The following GLIS3 variants were observed in gnomAD, a reference collection of about 807,000 sequenced individuals.
GLIS3 encodes zinc finger protein GLIS3.
Under a neutral mutation model 78.6 loss-of-function variants are expected in GLIS3, and 53 were observed. The ratio of observed to expected loss-of-function variants is 0.67; its 90% confidence interval spans 0.54 to 0.85. The LOEUF (loss-of-function observed/expected upper bound fraction) is 0.85. Ranked by LOEUF, GLIS3 falls within the 40% of genes least tolerant of loss-of-function variation. The probability of loss-of-function intolerance (pLI) is 0.00; values close to 1 mark genes in which losing one functional copy is unlikely to be tolerated. For synonymous variants in GLIS3, 684 were observed against 509.9 expected (o/e 1.34, Z -4.60); for missense variants, 1,703 against 1,231.1 (o/e 1.38, Z -5.74).
the GLIS3 span, among the ~76,000 whole-genome samples, chr9:4,382,055 C>A: frequency 6.6e-6 from 1 of 152,354 alleles, no homozygotes; most frequent in African/African-American, 2.4e-5. Flanking sequence ...CCGCTCTCTA[C>A]AGATACTAAT....
intron 4 of GLIS3, among the ~76,000 whole-genome samples, chr9:4,033,880 A>AC (rs1412575912): frequency 6.6e-6 from 1 of 150,832 alleles, no homozygotes; most frequent in African/African-American, 2.4e-5. Context: ...AAAAAAAAAA[A>AC]AAAAAAAAAA....
chr9:4,134,038 C>T (rs1239841181), intron 2 of GLIS3, among the ~76,000 whole-genome samples: 1 of 152,162 alleles, frequency 6.6e-6, no homozygotes, highest in African/African-American at 2.4e-5. Flanking sequence ...TACTGCAAAA[C>T]ACTAATACAA....
rs190226963 is a variant in GLIS3, at chr9:4,342,492, C to T, written n.264+4589G>A. Among the ~76,000 whole-genome samples, 100 of 152,248 alleles carry T rather than the reference C, an allele frequency of 6.6e-4. No homozygotes were observed. The East Asian group carries it at 0.011, about 17-fold the overall frequency. ...CACTACCATGCTATTTGGGTTACTG[C>T]GGTCTTGTAGTATAAAGTTGGGTAA... On this transcript the variant is annotated intron_variant and non_coding_transcript_variant, in intron 2 of 4. Coordinates refer to the GLIS3 transcript ENST00000471664.
At chr9:3,874,637 C>G (rs1256743825) in intron 8 of GLIS3, among the ~76,000 whole-genome samples, 2 of 152,112 alleles carry the variant, frequency 1.3e-5, no homozygotes, top group African/African-American at 2.4e-5. Flanking sequence ...CTGACACTCT[C>G]TCCAAGTAGA....
intron 2 of GLIS3, among the ~76,000 whole-genome samples, chr9:4,280,939 A>G (rs1032188023): frequency 1.3e-5 from 2 of 152,064 alleles, no homozygotes; most frequent in East Asian, 3.9e-4. Context: ...AAAGTTCCCA[A>G]CTGTTCTCAG....
At chr9:4,008,536 G>A (rs547022188) in intron 4 of GLIS3, among the ~76,000 whole-genome samples, 1 of 152,152 alleles carries the variant, frequency 6.6e-6, no homozygotes, top group African/African-American at 2.4e-5. Flanking sequence ...ATACCTCCAG[G>A]TGTTCCCTTA....
chr9:4,347,844 A>AT (rs992054660), intron 1 of GLIS3, among the ~76,000 whole-genome samples: 6 of 152,076 alleles, frequency 3.9e-5, no homozygotes, highest in Admixed American at 2.6e-4. Flanking sequence ...TTACTGGGTA[A>AT]TTTTTTTAGC....
chr9:4,161,719 C>T (rs1328552785), intron 2 of GLIS3, among the ~76,000 whole-genome samples: 2 of 148,482 alleles, frequency 1.3e-5, no homozygotes, highest in African/African-American at 5.0e-5. Context: ...GCTCTGTCGC[C>T]CAAGCTGGAG....
chr9:4,109,698 A>C (rs1223371631), intron 4 of GLIS3, among the ~76,000 whole-genome samples: 1 of 152,190 alleles, frequency 6.6e-6, no homozygotes, highest in African/African-American at 2.4e-5. Flanking sequence ...TCCAATTCCT[A>C]AACATGATCC....
chr9:4,246,597 C>A (rs1326571997), intron 2 of GLIS3, among the ~76,000 whole-genome samples: 1 of 152,156 alleles, frequency 6.6e-6, no homozygotes, highest in Non-Finnish European at 1.5e-5. Context: ...TGCAGCAAAG[C>A]ATTTTCCAAA....
At chr9:4,243,037 T>C (rs1033078163) in intron 2 of GLIS3, among the ~76,000 whole-genome samples, 6 of 152,202 alleles carry the variant, frequency 3.9e-5, no homozygotes, top group Non-Finnish European at 4.4e-5. Flanking sequence ...CCAGATATTC[T>C]ACCATGATTA....
At chr9:4,059,829 T>TGTGTGTGTGTGTGTGTGAGAGAGAGA in intron 4 of GLIS3, among the ~76,000 whole-genome samples, 2 of 100,648 alleles carry the variant, frequency 2.0e-5, no homozygotes, top group East Asian at 3.3e-4. Flanking sequence ...TGTGTGTGTG[T>TGTGTGTGTGTGTGTGTGAGAGAGAGA]GAGAGAGAGA....
intron 2 of GLIS3, among the ~76,000 whole-genome samples, chr9:4,335,370 C>G (rs1321105419): frequency 6.6e-6 from 1 of 152,168 alleles, no homozygotes; most frequent in African/African-American, 2.4e-5. Context: ...GACAGCTAAA[C>G]CAAATGGTTC....
Position 4,201,100 on chromosome 9 carries a change from T to C in GLIS3, c.389-75159A>G, listed in dbSNP as rs12353022. ...AAACAAAACCACTCGATCATCTCAA[T>C]AGATGCAGAAAAAGCTTTTTATAAA... On this transcript the variant is annotated intron_variant, in intron 2 of 10. Coordinates refer to ENST00000381971, the MANE Select transcript of GLIS3 (RefSeq NM_001042413.2). Among the ~76,000 whole-genome samples, 685 of 152,280 alleles carry C rather than the reference T, an allele frequency of 4.5e-3. 6 individuals are homozygous for C. Among genetic ancestry groups the C allele is most frequent in the African/African-American group, 0.015 (623 of 41,554 alleles).
At chr9:4,262,149 C>G (rs140948211) in intron 2 of GLIS3, among the ~76,000 whole-genome samples, 1 of 152,036 alleles carries the variant, frequency 6.6e-6, no homozygotes, top group East Asian at 1.9e-4. Flanking sequence ...GATCTGGGAG[C>G]CATAGTGCAG....
At chr9:4,470,769 G>A in the GLIS3 span, among the ~76,000 whole-genome samples, 4 of 150,644 alleles carry the variant, frequency 2.7e-5, no homozygotes, top group African/African-American at 9.9e-5. Flanking sequence ...TAAGGCAGGA[G>A]AAGGAAATAA....
At chr9:3,954,948 A>G (rs1816991622) in intron 4 of GLIS3, among the ~76,000 whole-genome samples, 1 of 152,254 alleles carries the variant, frequency 6.6e-6, no homozygotes, top group African/African-American at 2.4e-5. Flanking sequence ...TGCACATGGA[A>G]TAAGCCGGTG....
At chr9:3,921,918 C>A (rs1291549082) in intron 6 of GLIS3, among the ~76,000 whole-genome samples, 4 of 40,598 alleles carry the variant, frequency 9.9e-5, no homozygotes, top group Admixed American at 3.0e-4. Flanking sequence ...ATCCATCATA[C>A]TGTGTACACA....
chr9:4,049,740 C>T (rs892097669), intron 4 of GLIS3, among the ~76,000 whole-genome samples: 10 of 152,070 alleles, frequency 6.6e-5, no homozygotes, highest in African/African-American at 2.2e-4. Context: ...AGAACTCAAA[C>T]AAATTTACAA....
Sources: allele counts gnomAD v4.1 joint callset (sites outside exome capture counted in the v4.1 genomes callset), GRCh38; gene constraint gnomAD v4.1.1; transcripts MANE v1.5; gene names NCBI Gene and HGNC (gene_info 2026-07-23, HGNC 2026-07-21).